The following AKR1B10 variants were observed in gnomAD, a reference collection of about 807,000 sequenced individuals.
AKR1B10 encodes the protein aldo-keto reductase family 1 member B10.
In AKR1B10, 39 loss-of-function variants were observed where a neutral mutation model predicts 38.9. The ratio of observed to expected loss-of-function variants is 1.00; its 90% CI spans 0.78 to 1.31. The LOEUF is 1.31. AKR1B10 is among the 50% of genes most tolerant of loss of function. The pLI is 0.00. For synonymous variants in AKR1B10, 148 were observed against 141.2 expected (o/e 1.05, Z -0.34); for missense variants, 361 against 382.6 (o/e 0.94, Z 0.47).
chr7:134,539,223 G>A lies in AKR1B10; in HGVS notation c.908+206G>A, dbSNP rs1808088014. On this transcript the variant is annotated intron_variant, in intron 9 of 9. Coordinates refer to ENST00000359579, the MANE Select transcript of AKR1B10 (RefSeq NM_020299.5). Reference sequence around the variant, plus strand: ...CTGCTCATTGTCTGAACTTCTGGATGTAGAGCTAGAATCATAACAGAAGGT... The same window carrying A: ...CTGCTCATTGTCTGAACTTCTGGATATAGAGCTAGAATCATAACAGAAGGT... 1.3e-5 allele frequency: 8 copies of A among 622,170 alleles called. No individual in the cohort carries two copies. In the South Asian group the frequency reaches 1.4e-4, roughly 11 times the overall value. The allele number at this position is 622,170 out of a possible 1,614,324, so 38.5% of individuals were successfully genotyped here.
At chr7:134,539,203 C>T (rs1808087728) in intron 9 of AKR1B10, 186 bp downstream of exon 9, 5 of 651,188 alleles carry the variant, frequency 7.7e-6, no homozygotes, top group Non-Finnish European at 1.3e-5. Flanking sequence ...AATTGCTGCT[C>T]ATTGTCTGAA....
intron 3 of AKR1B10, among the ~76,000 whole-genome samples, chr7:134,532,389 G>T (rs1807884872): frequency 6.6e-6 from 1 of 152,012 alleles, no homozygotes. Flanking sequence ...TATATTCCAG[G>T]GCATAATTAT....
intron 4 of AKR1B10, among the ~76,000 whole-genome samples, chr7:134,533,918 T>C (rs1807931550): frequency 6.6e-6 from 1 of 152,230 alleles, no homozygotes; most frequent in Non-Finnish European, 1.5e-5. Context: ...AAATGAACAG[T>C]GGCTTATGAC....
At position 134,540,674 on chromosome 7, in the gene AKR1B10, G is replaced by A. The variant is rs149479085; in HGVS notation, c.909-373G>A. ...CCAGGGTCCTGCGCCCTTTTCCGGT[G>A]GTATTATCTCATTTAATACTCAGAA... On this transcript the variant is annotated intron_variant, in intron 9 of 9. Coordinates refer to ENST00000359579, the MANE Select transcript of AKR1B10 (RefSeq NM_020299.5). Among the ~76,000 whole-genome samples the A allele has an allele frequency of 7.1e-3, 1,075 of 152,164 alleles. 11 individuals carry two copies. The highest frequency in any genetic ancestry group is 0.019 in the African/African-American group (777 of 41,494).
intron 4 of AKR1B10, chr7:134,535,607 T>TTTA: frequency 3.2e-6 from 3 of 951,622 alleles, no homozygotes; most frequent in Non-Finnish European, 3.7e-6. Flanking sequence ...TTTTTTTTTT[T>TTTA]TCTTTTGAGG....
intron 4 of AKR1B10, among the ~76,000 whole-genome samples, chr7:134,535,892 C>A (rs1159721684): frequency 6.6e-6 from 1 of 152,192 alleles, no homozygotes; most frequent in African/African-American, 2.4e-5. Context: ...ACATATTGCA[C>A]TGGAGGCTGC....
Position 134,537,142 on chromosome 7 carries a change from C to T in AKR1B10, c.644C>T (p.Ser215Phe). 6.3e-7 allele frequency: 1 copy of T among 1,595,250 alleles called. No homozygotes were observed. The highest frequency in any genetic ancestry group is 2.3e-5 in the East Asian group (1 of 44,100). ...ITVTAYSPLGSPDRPWAKPED... is the reference protein window; with the variant it reads ...ITVTAYSPLGFPDRPWAKPED... The stretch of plus-strand genomic sequence containing the variant: ...GTTACGGCCTACAGCCCCCTGGGCT[C>T]TCCGGATAGACCTTGGTGAGGCTTC... The change falls in exon 6 of 10, where the codon TCT becomes TTT. Residue 215 changes from serine (S) to phenylalanine (F), a missense_variant. Physicochemically the swap from Ser to Phe is radical, Grantham distance 155. Transcript: ENST00000359579.
chr7:134,539,297 A>G (rs1808089427), intron 9 of AKR1B10, among the ~76,000 whole-genome samples: 1 of 152,084 alleles, frequency 6.6e-6, no homozygotes, highest in African/African-American at 2.4e-5. Context: ...CATTCATTCA[A>G]TCAATATCTC....
At chr7:134,538,821 T>G (rs1562932137) in intron 8 of AKR1B10, 114 bp from the exon 9 acceptor site, 2 of 1,225,484 alleles carry the variant, frequency 1.6e-6, no homozygotes, top group Non-Finnish European at 2.3e-6. Context: ...GAAAAACTCC[T>G]GTGGCCAGTT....
intron 3 of AKR1B10, among the ~76,000 whole-genome samples, chr7:134,532,625 G>A (rs1229368264): frequency 6.6e-6 from 1 of 152,140 alleles, no homozygotes. Flanking sequence ...AGGCTGCAAG[G>A]ATAGAAGTTG....
At chr7:134,530,495 A>G in intron 1 of AKR1B10, 148 bp from the exon 2 acceptor site, 4 of 821,360 alleles carry the variant, frequency 4.9e-6, no homozygotes, top group South Asian at 1.8e-5. Flanking sequence ...AGAGAATATG[A>G]TGGTTGCTGA....
intron 4 of AKR1B10, chr7:134,535,608 T>TTTTTTTTTA: frequency 1.1e-6 from 1 of 880,716 alleles, no homozygotes; most frequent in Non-Finnish European, 1.3e-6. Context: ...TTTTTTTTTT[T>TTTTTTTTTA]CTTTTGAGGC....
chr7:134,539,466 A>G (rs964801683), intron 9 of AKR1B10, among the ~76,000 whole-genome samples: 4 of 152,176 alleles, frequency 2.6e-5, no homozygotes, highest in Admixed American at 6.5e-5. Context: ...AGACAGAAAA[A>G]TAAAGTAGGG....
At chr7:134,530,453 T>C (rs1318709275) in intron 1 of AKR1B10, among the ~76,000 whole-genome samples, 190 bp from the exon 2 acceptor site, 1 of 152,160 alleles carries the variant, frequency 6.6e-6, no homozygotes, top group African/African-American at 2.4e-5. Flanking sequence ...CTGGGCCTTG[T>C]GGGGCAGCCT....
Position 134,541,242 on chromosome 7 carries a change from T to G in AKR1B10, c.*153T>G, listed in dbSNP as rs1226051930. ...AGAATCGAGGTGCTGTTTTAGACAT[T>G]TATTTCTGTATGTTCAACTAGGATC... On this transcript the variant is annotated 3_prime_UTR_variant, in exon 10 of 10. Transcript: ENST00000359579. 3.4e-6 allele frequency: 2 copies of G among 588,846 alleles called. No homozygotes were observed. Among genetic ancestry groups the G allele is most frequent in the Non-Finnish European group, 2.9e-6 (1 of 341,098 alleles). The allele number at this position is 588,846 out of a possible 1,614,324, so 36.5% of individuals were successfully genotyped here.
intron 4 of AKR1B10, 56 bp downstream of exon 4, chr7:134,533,137 A>C (rs564031180): frequency 8.0e-6 from 11 of 1,374,558 alleles, no homozygotes; most frequent in South Asian, 1.3e-5. Flanking sequence ...GTTATCCATG[A>C]GATTCGCATG....
intron 4 of AKR1B10, among the ~76,000 whole-genome samples, chr7:134,534,310 T>C (rs1159523017): frequency 6.6e-6 from 1 of 152,086 alleles, no homozygotes; most frequent in East Asian, 1.9e-4. Flanking sequence ...TTAGTAGAGA[T>C]GGGGTTTCAC....
chr7:134,531,766 T>G (rs1425328365), intron 2 of AKR1B10, 142 bp from the exon 3 acceptor site: 1 of 902,670 alleles, frequency 1.1e-6, no homozygotes, highest in East Asian at 2.5e-5. Flanking sequence ...TGTTCCACAC[T>G]GTGTCGTGGA....
intron 4 of AKR1B10, chr7:134,535,592 T>C: frequency 2.2e-6 from 2 of 894,170 alleles, no homozygotes; most frequent in Non-Finnish European, 2.7e-6. Flanking sequence ...TGTCTTTTTT[T>C]TTTTTTTTTT....
Sources: gnomAD v4.1 joint callset for allele counts (sites outside exome capture counted in the v4.1 genomes callset) on GRCh38, gnomAD v4.1.1 for gene constraint, MANE v1.5 for transcripts, NCBI Gene and HGNC (gene_info 2026-07-23, HGNC 2026-07-21) for gene names.